Variants in HMGA2 observed in about 807,000 individuals in gnomAD.
The protein encoded by HMGA2 is high mobility group protein HMGI-C.
In HMGA2, 8 loss-of-function variants were observed where a neutral mutation model predicts 19.1. That is an observed-to-expected ratio of 0.42 (90% CI 0.25 to 0.76). The LOEUF is 0.76. Ranked by LOEUF, HMGA2 falls within the 30% of genes least tolerant of loss-of-function variation. HMGA2 has a pLI of 0.28. For missense variants in HMGA2, 109 were observed against 136.3 expected, an observed-to-expected ratio of 0.80 and a Z score of 1.00; for synonymous variants, 60 against 48.8, an observed-to-expected ratio of 1.23 and a Z score of -0.96.
intron 3 of HMGA2, among the ~76,000 whole-genome samples, chr12:65,920,502 T>C (rs1875268073): frequency 6.6e-6 from 1 of 152,186 alleles, no homozygotes; most frequent in Non-Finnish European, 1.5e-5. Context: ...CACCCAAATG[T>C]CAACTCGAAT....
intron 3 of HMGA2, among the ~76,000 whole-genome samples, chr12:65,877,994 T>C (rs1178770801): frequency 6.6e-6 from 1 of 152,124 alleles, no homozygotes; most frequent in Non-Finnish European, 1.5e-5. Flanking sequence ...CATGCTACTG[T>C]TGATTGAAAG....
At chr12:65,878,384 A>G (rs61921578) in intron 3 of HMGA2, among the ~76,000 whole-genome samples, 261 of 152,340 alleles carry the variant, frequency 1.7e-3, no homozygotes, top group Middle Eastern at 3.4e-3. Context: ...GACCTAATAC[A>G]TGTGTAATAG....
intron 3 of HMGA2, among the ~76,000 whole-genome samples, chr12:65,909,089 A>G (rs1180567790): frequency 2.6e-5 from 4 of 152,206 alleles, no homozygotes; most frequent in African/African-American, 9.7e-5. Flanking sequence ...TAAATAGATT[A>G]CCTTTAATTT....
intron 3 of HMGA2, among the ~76,000 whole-genome samples, chr12:65,895,170 GA>G (rs1874073860): frequency 6.6e-6 from 1 of 152,100 alleles, no homozygotes; most frequent in African/African-American, 2.4e-5. Context: ...GGAGAAAGGG[GA>G]GGAAAACCTT....
At chr12:65,864,145 A>T (rs1330240324) in intron 3 of HMGA2, among the ~76,000 whole-genome samples, 1 of 152,112 alleles carries the variant, frequency 6.6e-6, no homozygotes, top group Non-Finnish European at 1.5e-5. Flanking sequence ...TTTATATCTG[A>T]GGTATCCATA....
chr12:65,959,429 T>G (rs1876688429), intron 4 of HMGA2, among the ~76,000 whole-genome samples: 1 of 152,186 alleles, frequency 6.6e-6, no homozygotes, highest in Non-Finnish European at 1.5e-5. Flanking sequence ...AATATAGTTT[T>G]CCAACTCTGC....
At chr12:65,960,056 A>G (rs1366099698) in intron 4 of HMGA2, among the ~76,000 whole-genome samples, 1 of 151,956 alleles carries the variant, frequency 6.6e-6, no homozygotes, top group East Asian at 1.9e-4. Context: ...CGCCTGGCTA[A>G]TTTTTTGTAT....
chr12:65,873,401 T>C lies in HMGA2; in HGVS notation c.249+34832T>C, dbSNP rs184599976. Among the ~76,000 whole-genome samples the C allele has an allele frequency of 3.3e-5, 5 of 152,292 alleles. No individual in the cohort carries two copies. The East Asian group carries it at 9.6e-4, about 29-fold the overall frequency. On this transcript the variant is annotated intron_variant, in intron 3 of 4. Coordinates refer to ENST00000403681, the MANE Select transcript of HMGA2 (RefSeq NM_003483.6). ...GCTTATTTCCTTTTCTCAATATTTT[T>C]TTCGTACTGAATCTAGGCTAAGTGT...
intron 1 of HMGA2, 108 bp from the exon 2 acceptor site, chr12:65,827,893 C>G: frequency 2.6e-6 from 2 of 781,542 alleles, no homozygotes; most frequent in South Asian, 1.4e-5. Flanking sequence ...TGAACGTGTT[C>G]CAACAGCTCT....
rs17101916 is a variant in HMGA2 at position 65,936,564 on chromosome 12, T to G, written c.250-14819T>G. Among the ~76,000 whole-genome samples the G allele has an allele frequency of 5.7e-3, 873 of 152,288 alleles. 11 individuals carry two copies. The highest frequency in any genetic ancestry group is 0.02 in the African/African-American group (845 of 41,556). ...ATAATACAGAGAGACCTGTAATCAT[T>G]CATCACAGTGGTACTACATTTATTG... On this transcript the variant is annotated intron_variant, in intron 3 of 4. Coordinates refer to ENST00000403681, the MANE Select transcript of HMGA2 (RefSeq NM_003483.6).
At chr12:65,952,224 C>T in intron 4 of HMGA2, 1 of 645,306 alleles carries the variant, frequency 1.5e-6, no homozygotes, top group East Asian at 2.8e-5. Context: ...CATGCTGAAC[C>T]TGCTAAAATA....
chr12:65,828,524 T>C (rs1402135011), intron 2 of HMGA2: 1 of 190,168 alleles, frequency 5.3e-6, no homozygotes, highest in African/African-American at 2.4e-5. Context: ...GCTTATTACA[T>C]GGCTACTGCA....
chr12:65,832,704 CT>C (rs1357445554), intron 2 of HMGA2, among the ~76,000 whole-genome samples: 2 of 151,990 alleles, frequency 1.3e-5, no homozygotes, highest in Non-Finnish European at 2.9e-5. Context: ...AAATAGAGAA[CT>C]GTTATTTGTT....
Position 65,844,652 on chromosome 12 carries a change from CA to C in HMGA2, c.249+6090del, listed in dbSNP as rs577091528. ...AATTATTCTGTTAAATGAAGACTTT[CA>C]AAAAAAGAGATTGATAATCTGCCCT... On this transcript the variant is annotated intron_variant, in intron 3 of 4. Coordinates refer to ENST00000403681, the MANE Select transcript of HMGA2 (RefSeq NM_003483.6). Among the ~76,000 whole-genome samples the C allele has an allele frequency of 4.3e-3, 648 of 152,156 alleles. 9 individuals are homozygous for C. Among genetic ancestry groups the C allele is most frequent in the Non-Finnish European group, 4.2e-3 (287 of 67,998 alleles).
At position 65,908,186 on chromosome 12, in the gene HMGA2, CACTTT is replaced by C. The variant is rs1258624253; in HGVS notation, c.250-43187_250-43183del. Among the ~76,000 whole-genome samples the C allele has an allele frequency of 7.2e-5, 11 of 152,242 alleles. No individual in the cohort carries two copies. In the South Asian group the frequency reaches 1.9e-3, roughly 26 times the overall value. Reference sequence around the variant, plus strand: ...GAGTTATGGTATTGCATGAAAAGCACACTTTACTTTACTTGTACCTGACTGTCAAA... The same window carrying C: ...GAGTTATGGTATTGCATGAAAAGCACACTTTACTTGTACCTGACTGTCAAA... On this transcript the variant is annotated intron_variant, in intron 3 of 4. Coordinates refer to ENST00000403681, the MANE Select transcript of HMGA2 (RefSeq NM_003483.6).
rs756421016 is a variant in HMGA2 at position 65,963,748 on chromosome 12, C to G, written c.*456C>G. On this transcript the variant is annotated 3_prime_UTR_variant, in exon 5 of 5. Coordinates refer to ENST00000403681, the MANE Select transcript of HMGA2 (RefSeq NM_003483.6). Reference sequence around the variant, plus strand: ...AGAACGCGGTGTGTAACACTGTGTACACCTCAAATACCACCCCAACCCACT... The same window carrying G: ...AGAACGCGGTGTGTAACACTGTGTAGACCTCAAATACCACCCCAACCCACT... 2 of 299,934 alleles carry G rather than the reference C, an allele frequency of 6.7e-6. No individual in the cohort carries two copies. Among genetic ancestry groups the G allele is most frequent in the Non-Finnish European group, 1.2e-5 (2 of 160,658 alleles). 18.6% of individuals were successfully genotyped at this position (299,934 alleles called of 1,614,324 possible). A position where few individuals can be genotyped will look rare whatever the true frequency, so the allele number is the denominator to read the frequency against.
At chr12:65,935,281 C>A (rs766819562) in intron 3 of HMGA2, among the ~76,000 whole-genome samples, 64 of 152,274 alleles carry the variant, frequency 4.2e-4, no homozygotes, top group Non-Finnish European at 3.4e-4. Context: ...ATTATTAGCA[C>A]CATTATAACT....
chr12:65,897,163 A>G lies in HMGA2; in HGVS notation c.250-54220A>G, dbSNP rs530573024. Among the ~76,000 whole-genome samples the G allele has an allele frequency of 2.0e-5, 3 of 152,332 alleles. No individual in the cohort carries two copies. In the South Asian group the frequency reaches 6.2e-4, roughly 32 times the overall value. ...TGAGAGATTTTGATGCGGGCATACA[A>G]TGCTTAATAATCACATCAGGGTAAA... is the stretch of plus-strand genomic sequence containing the variant. On this transcript the variant is annotated intron_variant, in intron 3 of 4. Coordinates refer to ENST00000403681, the MANE Select transcript of HMGA2 (RefSeq NM_003483.6).
chr12:65,846,546 G>A (rs745701305), intron 3 of HMGA2, among the ~76,000 whole-genome samples: 6 of 152,182 alleles, frequency 3.9e-5, no homozygotes, highest in East Asian at 3.9e-4. Context: ...AATGCACCTC[G>A]AGTGCCTGTT....
Sources: gnomAD v4.1 joint callset for allele counts (sites outside exome capture counted in the v4.1 genomes callset) on GRCh38, gnomAD v4.1.1 for gene constraint, MANE v1.5 for transcripts, NCBI Gene and HGNC (gene_info 2026-07-23, HGNC 2026-07-21) for gene names.